ZNF44: variants seen among roughly 807,000 people sequenced by gnomAD.
ZNF44 encodes zinc finger protein 44, also known as gonadotropin inducible transcription repressor-2.
ZNF44 carries 9 observed loss-of-function variants against 11.7 expected under a neutral mutation model. That is an observed-to-expected ratio of 0.77 (90% CI 0.46 to 1.35). ZNF44 has a LOEUF of 1.35. Among genes scored for constraint, ZNF44 ranks in the 40% most tolerant of loss-of-function variants. The pLI is 0.00. For missense variants in ZNF44, 696 were observed against 743.1 expected (o/e 0.94, Z 0.74); for synonymous variants, 224 against 242.7 (o/e 0.92, Z 0.72).
At chr19:12,233,552 A>C (rs1229616618) in intron 2 of ZNF44, among the ~76,000 whole-genome samples, 137 of 66,644 alleles carry the variant, frequency 2.1e-3, no homozygotes, top group African/African-American at 0.016. Flanking sequence ...CCATACATCA[A>C]AAAAAAAAAA....
At chr19:12,250,228 G>A (rs1336648721) in intron 6 of ZNF44, 1 of 1,354,052 alleles carries the variant, frequency 7.4e-7, no homozygotes, top group Middle Eastern at 2.1e-4. Flanking sequence ...ATGATGGAAT[G>A]ATTTCATTTT....
At chr19:12,241,103 A>T (rs1337946310), upstream of ZNF44, among the ~76,000 whole-genome samples, 1 of 135,682 alleles carries the variant, frequency 7.4e-6, no homozygotes, top group Non-Finnish European at 1.6e-5. Flanking sequence ...GGGACTTGAA[A>T]ACATTTGTAC....
At chr19:12,277,056 G>A (rs541391408) in intron 1 of ZNF44, among the ~76,000 whole-genome samples, 4 of 152,104 alleles carry the variant, frequency 2.6e-5, no homozygotes, top group Non-Finnish European at 4.4e-5. Context: ...GTATCCTGTT[G>A]TAAGTAACAA....
intron 3 of ZNF44, among the ~76,000 whole-genome samples, chr19:12,229,201 A>AT (rs1238401304): frequency 6.6e-6 from 1 of 151,994 alleles, no homozygotes; most frequent in Admixed American, 6.6e-5. Context: ...TAGTTACAAT[A>AT]TTTTTTTTCT....
chr19:12,294,086 C>T (rs1968132910), intron 1 of ZNF44, among the ~76,000 whole-genome samples: 1 of 152,148 alleles, frequency 6.6e-6, no homozygotes, highest in Admixed American at 6.5e-5. Flanking sequence ...GAGAGTTGCT[C>T]AAGAGTCGTC....
intron 1 of ZNF44, chr19:12,284,992 C>T (rs1041526156): frequency 1.5e-5 from 11 of 716,932 alleles, no homozygotes; most frequent in African/African-American, 1.0e-4. Context: ...CGGGGCTGCA[C>T]TGCCATCCTG....
In ZNF44 at chr19:12,294,637, C is replaced by T. The variant is rs545133928; in HGVS notation, c.3+55G>A. On this transcript the variant is annotated intron_variant, in intron 1 of 3. Transcript: ENST00000355684. ...CGGGTCCCGCCACAGCCGGTTCCGA[C>T]TGGTTCCGACCAGCCCTTCGCCCTG... 1.0e-4 allele frequency: 155 copies of T among 1,547,326 alleles called. 1 individual carries two copies. In the East Asian group the frequency reaches 3.6e-3, roughly 36 times the overall value.
chr19:12,249,139 G>A (rs367719532), intron 7 of ZNF44, among the ~76,000 whole-genome samples: 15 of 151,826 alleles, frequency 9.9e-5, no homozygotes, highest in East Asian at 3.9e-4. Context: ...CACCCACCTC[G>A]GCTTCCCAAA....
chr19:12,241,045 C>T (rs2438555), upstream of ZNF44, among the ~76,000 whole-genome samples: 9,341 of 152,194 alleles, frequency 0.061, 971 homozygotes, highest in African/African-American at 0.22. Flanking sequence ...CATAGGAACT[C>T]CTACAACTCA....
At chr19:12,262,650 A>T (rs1444726357) in intron 5 of ZNF44, among the ~76,000 whole-genome samples, 1 of 152,182 alleles carries the variant, frequency 6.6e-6, no homozygotes. Context: ...CTGACTTAAA[A>T]ATGAAAAATG....
intron 5 of ZNF44, among the ~76,000 whole-genome samples, chr19:12,256,942 G>C (rs1038707023): frequency 6.6e-6 from 1 of 151,946 alleles, no homozygotes; most frequent in African/African-American, 2.4e-5. Flanking sequence ...TCCTGACCTC[G>C]AGTGATCTTC....
chr19:12,248,032 G>A, exon 8 of ZNF44: 4 of 1,339,088 alleles, frequency 3.0e-6, no homozygotes, highest in Non-Finnish European at 4.0e-6. Context: ...CATTCATAGG[G>A]TTTTTCTCCA....
chr19:12,284,207 G>A (rs2438589), intron 1 of ZNF44: 93,879 of 253,360 alleles, frequency 0.37, 19,137 homozygotes, highest in African/African-American at 0.6. Flanking sequence ...CACAAAGGCG[G>A]TATGTTCAAC....
chr19:12,249,379 G>A (rs1174821332), intron 7 of ZNF44, among the ~76,000 whole-genome samples: 2 of 150,672 alleles, frequency 1.3e-5, no homozygotes, highest in Non-Finnish European at 3.0e-5. Context: ...GGTGGTGGGC[G>A]CCTGTAGTCC....
intron 5 of ZNF44, chr19:12,250,389 G>T: frequency 7.4e-7 from 1 of 1,343,424 alleles, no homozygotes; most frequent in Non-Finnish European, 9.9e-7. Context: ...CCAAATGTGT[G>T]TAAAGGAGAA....
chr19:12,269,680 A>T (rs1278637851), downstream of ZNF44, among the ~76,000 whole-genome samples: 1 of 152,222 alleles, frequency 6.6e-6, no homozygotes, highest in Non-Finnish European at 1.5e-5. Flanking sequence ...TATAAATGTT[A>T]TAACATTTCT....
At chr19:12,226,157 G>A (rs1300017408), downstream of ZNF44, 2 of 152,142 alleles carry the variant, frequency 1.3e-5, no homozygotes, top group African/African-American at 2.4e-5. Flanking sequence ...GCATACAGTG[G>A]AGCAAGAATA....
intron 5 of ZNF44, among the ~76,000 whole-genome samples, chr19:12,254,392 T>C (rs777496977): frequency 6.6e-6 from 1 of 152,188 alleles, no homozygotes; most frequent in Non-Finnish European, 1.5e-5. Context: ...ATTTTTTCCT[T>C]TTGTGTTAAA....
At chr19:12,278,382 G>A (rs1967324162) in intron 1 of ZNF44, among the ~76,000 whole-genome samples, 1 of 152,198 alleles carries the variant, frequency 6.6e-6, no homozygotes, top group Non-Finnish European at 1.5e-5. Context: ...CAGCTCTGAA[G>A]GCTGTCAGCC....
Sources: gnomAD v4.1 joint callset for allele counts (sites outside exome capture counted in the v4.1 genomes callset) on GRCh38, gnomAD v4.1.1 for gene constraint, MANE v1.5 for transcripts, NCBI Gene and HGNC (gene_info 2026-07-23, HGNC 2026-07-21) for gene names.